The following KCTD3 variants were observed in gnomAD, a reference collection of about 807,000 sequenced individuals.
KCTD3 encodes the protein BTB/POZ domain-containing protein KCTD3.
In KCTD3, 41 loss-of-function variants were observed where a neutral mutation model predicts 85.8. That is an observed-to-expected ratio of 0.48 (90% confidence interval 0.37 to 0.62). The LOEUF is 0.62. Ranked by LOEUF, KCTD3 falls within the 20% of genes least tolerant of loss-of-function variation. The pLI is 0.00. For synonymous variants in KCTD3, 338 were observed against 345.4 expected (o/e 0.98, Z 0.24); for missense variants, 724 against 989.9 (o/e 0.73, Z 3.60).
At chr1:215,595,305 A>C (rs777160625) in intron 9 of KCTD3, 51 bp from the exon 10 acceptor site, 1 of 1,114,244 alleles carries the variant, frequency 9.0e-7, no homozygotes, top group South Asian at 1.3e-5. Flanking sequence ...GTTTTGATTA[A>C]TTCTAAAAAT....
In KCTD3 at chr1:215,567,640, C is replaced by T; in HGVS notation, c.-46C>T. The stretch of plus-strand genomic sequence containing the variant: ...GGGCTACAGCCCCGGGCTCGGCGGT[C>T]CCGGCTGGGGAAGGAGGGCGGCGAG... On this transcript the variant is annotated 5_prime_UTR_variant, in exon 1 of 18. Coordinates refer to ENST00000259154, the MANE Select transcript of KCTD3 (RefSeq NM_016121.5). 1 of 1,176,224 alleles carries T rather than the reference C, an allele frequency of 8.5e-7. No homozygotes were observed. Among genetic ancestry groups the T allele is most frequent in the Non-Finnish European group, 1.1e-6 (1 of 942,282 alleles). 72.9% of individuals were successfully genotyped at this position (1,176,224 alleles called of 1,614,324 possible). A position where few individuals can be genotyped will look rare whatever the true frequency, so the allele number is the denominator to read the frequency against.
intron 10 of KCTD3, among the ~76,000 whole-genome samples, chr1:215,599,403 A>T (rs1654740640): frequency 1.3e-5 from 2 of 152,176 alleles, no homozygotes; most frequent in South Asian, 4.1e-4. Flanking sequence ...AGGTATAGAG[A>T]TTGTAGTTAA....
At chr1:215,575,777 A>T in intron 3 of KCTD3, 124 bp from the exon 4 acceptor site, 1 of 577,092 alleles carries the variant, frequency 1.7e-6, no homozygotes, top group Non-Finnish European at 3.0e-6. Flanking sequence ...ATTAAAGTTT[A>T]AGAGTGGAAA....
intron 10 of KCTD3, among the ~76,000 whole-genome samples, chr1:215,601,654 T>C (rs755423090): frequency 7.9e-5 from 12 of 152,046 alleles, no homozygotes; most frequent in Non-Finnish European, 1.5e-4. Flanking sequence ...AAAAAAAATA[T>C]TTTGAAGGAA....
rs766464911 is a variant in KCTD3, at chr1:215,620,534, T to TA, written c.2365dup (p.Thr789AsnfsTer16). On this transcript the variant is annotated frameshift_variant, in exon 18 of 18. Transcript: ENST00000259154. LOFTEE classifies it high-confidence loss of function. ...CCGATGGAGGAACTGACTCACCTGGTACTGCGTCCCCATCTCCTACAAAGA... is the reference window on the plus strand; with the variant it reads ...CCGATGGAGGAACTGACTCACCTGGTAACTGCGTCCCCATCTCCTACAAAGA... 3 of 1,613,764 alleles carry TA rather than the reference T, an allele frequency of 1.9e-6. No homozygotes were observed. Among genetic ancestry groups the TA allele is most frequent in the Non-Finnish European group, 2.5e-6 (3 of 1,179,832 alleles).
At chr1:215,572,122 A>G (rs1383617186) in intron 1 of KCTD3, among the ~76,000 whole-genome samples, 2 of 152,190 alleles carry the variant, frequency 1.3e-5, no homozygotes, top group Non-Finnish European at 2.9e-5. Context: ...TGTATTCTGA[A>G]AGTGCTCTGT....
At chr1:215,576,352 A>C (rs1048956057) in intron 4 of KCTD3, among the ~76,000 whole-genome samples, 1 of 151,146 alleles carries the variant, frequency 6.6e-6, no homozygotes, top group African/African-American at 2.4e-5. Flanking sequence ...TACAGGAATG[A>C]GCCACTACGC....
In KCTD3 at chr1:215,583,518, G is replaced by A. The variant is rs1291068230; in HGVS notation, c.627-2977G>A. ...CTTTACTCCGTCCTGTTTTGTCAGC[G>A]GGATCTTTGTGACCTTTACCTTGTG... On this transcript the variant is annotated intron_variant, in intron 8 of 17. Transcript: ENST00000259154. Among the ~76,000 whole-genome samples, 5 of 152,086 alleles carry A rather than the reference G, an allele frequency of 3.3e-5. No homozygotes were observed. In the East Asian group the frequency reaches 5.8e-4, roughly 18 times the overall value.
chr1:215,606,964 C>T (rs1001999774), intron 13 of KCTD3, among the ~76,000 whole-genome samples: 7 of 151,818 alleles, frequency 4.6e-5, no homozygotes, highest in East Asian at 1.9e-4. Flanking sequence ...AATGATTTCC[C>T]GTGAAACTAA....
At chr1:215,595,057 A>C (rs1317009219) in intron 9 of KCTD3, among the ~76,000 whole-genome samples, 1 of 152,044 alleles carries the variant, frequency 6.6e-6, no homozygotes, top group African/African-American at 2.4e-5. Context: ...TGTTTTGTTT[A>C]TTTTAAATCT....
intron 9 of KCTD3, among the ~76,000 whole-genome samples, chr1:215,590,265 G>T (rs1660160395): frequency 1.3e-5 from 2 of 152,010 alleles, no homozygotes; most frequent in Non-Finnish European, 2.9e-5. Context: ...TAAATCATTT[G>T]CCCTTTTTAA....
In KCTD3 at chr1:215,567,782, T is replaced by C; in HGVS notation, c.83+14T>C. 8.1e-7 allele frequency: 1 copy of C among 1,240,046 alleles called. No homozygotes were observed. Among genetic ancestry groups the C allele is most frequent in the Non-Finnish European group, 1.0e-6 (1 of 985,688 alleles). The allele number at this position is 1,240,046 out of a possible 1,614,324, so 76.8% of individuals were successfully genotyped here. A position where few individuals can be genotyped will look rare whatever the true frequency, so the allele number is the denominator to read the frequency against. On this transcript the variant is annotated intron_variant, in intron 1 of 17. Transcript: ENST00000259154. ...AGGGGGGACCAGGTGAGTCGGCGGG[T>C]AGCGGGCTTGCAGCGGGGATGCCTT... is the stretch of plus-strand genomic sequence containing the variant.
intron 15 of KCTD3, among the ~76,000 whole-genome samples, chr1:215,616,632 C>G (rs573760315): frequency 2.6e-5 from 4 of 152,014 alleles, no homozygotes; most frequent in Admixed American, 2.6e-4. Flanking sequence ...TGGTGGCACA[C>G]GCCTGTAATC....
intron 8 of KCTD3, among the ~76,000 whole-genome samples, chr1:215,583,331 A>C (rs1232719752): frequency 6.6e-6 from 1 of 152,202 alleles, no homozygotes; most frequent in African/African-American, 2.4e-5. Flanking sequence ...TTTTTAGACC[A>C]TATAGGGTAA....
intron 12 of KCTD3, among the ~76,000 whole-genome samples, chr1:215,603,610 T>G (rs1249707313): frequency 6.6e-6 from 1 of 152,164 alleles, no homozygotes; most frequent in Non-Finnish European, 1.5e-5. Context: ...TGAGAATGAT[T>G]TAGTATTGTA....
intron 9 of KCTD3, among the ~76,000 whole-genome samples, chr1:215,591,704 C>T (rs1164657502): frequency 6.6e-6 from 1 of 152,162 alleles, no homozygotes; most frequent in Non-Finnish European, 1.5e-5. Flanking sequence ...TGCAGTTAGG[C>T]CTTAGCCAAG....
rs186686550 is a variant in KCTD3 at position 215,604,320 on chromosome 1, T to C, written c.1309+18T>C. On this transcript the variant is annotated intron_variant, in intron 13 of 17. Coordinates refer to ENST00000259154, the MANE Select transcript of KCTD3 (RefSeq NM_016121.5). ...TGTATCAGGTAAAATGATTTCATTATACTGGTAAGGAACTTGGCTCTGTGT... is the reference window on the plus strand; with the variant it reads ...TGTATCAGGTAAAATGATTTCATTACACTGGTAAGGAACTTGGCTCTGTGT... 4.2e-3 allele frequency: 6,693 copies of C among 1,596,580 alleles called. 96 individuals carry two copies. The highest frequency in any genetic ancestry group is 0.032 in the South Asian group (2,905 of 90,448).
chr1:215,578,158 T>C, intron 6 of KCTD3, 77 bp downstream of exon 6: 1 of 1,144,620 alleles, frequency 8.7e-7, no homozygotes, highest in South Asian at 1.5e-5. Context: ...TAGGAAAAAC[T>C]GCTCCTTGAT....
intron 10 of KCTD3, among the ~76,000 whole-genome samples, chr1:215,596,022 C>T (rs760867146): frequency 2.6e-5 from 4 of 152,036 alleles, no homozygotes; most frequent in Non-Finnish European, 4.4e-5. Context: ...TACAGCAATC[C>T]AGCAATCAAG....
Sources: gnomAD v4.1 joint callset for allele counts (sites outside exome capture counted in the v4.1 genomes callset) on GRCh38, gnomAD v4.1.1 for gene constraint, MANE v1.5 for transcripts, NCBI Gene and HGNC (gene_info 2026-07-23, HGNC 2026-07-21) for gene names.